Variants in CELF2 observed in about 807,000 individuals in gnomAD.
CELF2 encodes the protein CUG triplet repeat RNA-binding protein 2.
Under a neutral mutation model 62.6 loss-of-function variants are expected in CELF2, and 8 were observed. The observed-to-expected ratio is 0.13, with a 90% CI of 0.07 to 0.23. CELF2 has a LOEUF of 0.23. Ranked by LOEUF, CELF2 falls within the 10% of genes least tolerant of loss-of-function variation. The pLI, the probability that CELF2 is intolerant of heterozygous loss-of-function variation, is 1.00. For missense variants in CELF2, 333 were observed against 671.0 expected (o/e 0.50, Z 5.56); for synonymous variants, 258 against 250.0 (o/e 1.03, Z -0.30).
chr10:11,277,144 G>A (rs914219835), intron 8 of CELF2, among the ~76,000 whole-genome samples: 3 of 152,196 alleles, frequency 2.0e-5, no homozygotes, highest in Middle Eastern at 3.2e-3. Flanking sequence ...TATAGGGATC[G>A]TCAGGTCTCC....
At chr10:10,949,017 C>T (rs145245076) in intron 2 of CELF2, among the ~76,000 whole-genome samples, 163 of 152,182 alleles carry the variant, frequency 1.1e-3, no homozygotes, top group African/African-American at 3.1e-3. Flanking sequence ...CAAATGAACA[C>T]GCACACACAA....
chr10:11,203,690 G>T (rs1483822307), intron 2 of CELF2, among the ~76,000 whole-genome samples: 2 of 152,148 alleles, frequency 1.3e-5, no homozygotes, highest in African/African-American at 4.8e-5. Context: ...AAAGTTGATC[G>T]CTGTCAAATC....
the CELF2 span, among the ~76,000 whole-genome samples, chr10:10,596,647 C>T: frequency 5.3e-5 from 8 of 152,236 alleles, no homozygotes; most frequent in Non-Finnish European, 7.3e-5. Flanking sequence ...AACTGGAAGT[C>T]TTCTGGGGTG....
At chr10:10,626,576 C>T in the CELF2 span, among the ~76,000 whole-genome samples, 1 of 151,744 alleles carries the variant, frequency 6.6e-6, no homozygotes, top group Non-Finnish European at 1.5e-5. Context: ...AGTCTTTTTG[C>T]TATAGATTTT....
Position 10,854,518 on chromosome 10 carries a change from G to A in CELF2, c.53+55701G>A, listed in dbSNP as rs116457504. On this transcript the variant is annotated intron_variant, in intron 1 of 13. Coordinates refer to the CELF2 transcript ENST00000636488. ...CACCATGACCCAAGGAACCCACTCC[G>A]GGATCCAAAAATAATTATTGGCAAA... Among the ~76,000 whole-genome samples the A allele has an allele frequency of 5.8e-3, 875 of 152,162 alleles. 7 individuals carry two copies. Among genetic ancestry groups the A allele is most frequent in the African/African-American group, 0.02 (819 of 41,510 alleles).
the CELF2 span, among the ~76,000 whole-genome samples, chr10:10,659,938 G>T: frequency 6.6e-6 from 1 of 152,132 alleles, no homozygotes; most frequent in African/African-American, 2.4e-5. Flanking sequence ...GAGGCACAAG[G>T]GTCAGAGAGA....
the CELF2 span, among the ~76,000 whole-genome samples, chr10:10,643,537 T>A: frequency 6.6e-6 from 1 of 152,198 alleles, no homozygotes; most frequent in South Asian, 2.1e-4. Flanking sequence ...GTCTCAGGTA[T>A]GTCCTTATAG....
chr10:10,908,254 C>T (rs1279184422), intron 1 of CELF2, among the ~76,000 whole-genome samples: 1 of 92,166 alleles, frequency 1.1e-5, no homozygotes, highest in Non-Finnish European at 2.0e-5. Flanking sequence ...GAGTCTTGCT[C>T]TGTCGCCGAG....
intron 1 of CELF2, among the ~76,000 whole-genome samples, chr10:11,100,481 A>G (rs1243345746): frequency 1.3e-5 from 2 of 151,828 alleles, no homozygotes; most frequent in Admixed American, 6.6e-5. Context: ...TCAGGACCAC[A>G]TGTGAGTTCC....
At chr10:10,469,515 G>C in the CELF2 span, among the ~76,000 whole-genome samples, 1 of 151,862 alleles carries the variant, frequency 6.6e-6, no homozygotes, top group Non-Finnish European at 1.5e-5. Flanking sequence ...TAATGAAAGA[G>C]CATTGTCCTT....
At position 10,939,908 on chromosome 10, in the gene CELF2, C is replaced by T. The variant is rs143931540; in HGVS notation, c.89+19909C>T. Among the ~76,000 whole-genome samples the T allele has an allele frequency of 8.1e-3, 1,237 of 152,120 alleles. 7 individuals carry two copies. The highest frequency in any genetic ancestry group is 0.013 in the Non-Finnish European group (886 of 67,990). On this transcript the variant is annotated intron_variant, in intron 2 of 13. Coordinates refer to the CELF2 transcript ENST00000636488. Reference sequence around the variant, plus strand: ...GGCAGAGCTTGCAGTGAGCCGAGACCGCACCACTGCACTCTAGCCTGGGTG... The same window carrying T: ...GGCAGAGCTTGCAGTGAGCCGAGACTGCACCACTGCACTCTAGCCTGGGTG...
chr10:10,746,249 G>GA, the CELF2 span, among the ~76,000 whole-genome samples: 1 of 152,160 alleles, frequency 6.6e-6, no homozygotes, highest in Non-Finnish European at 1.5e-5. Context: ...AGTAAAATCT[G>GA]CAAAACACCG....
At chr10:10,944,861 C>T (rs904015960) in intron 2 of CELF2, among the ~76,000 whole-genome samples, 2 of 152,156 alleles carry the variant, frequency 1.3e-5, no homozygotes, top group African/African-American at 4.8e-5. Context: ...CCTCAGCCTC[C>T]CAAAGTGCTG....
chr10:10,870,815 C>G (rs539984954), intron 1 of CELF2, among the ~76,000 whole-genome samples: 1 of 152,318 alleles, frequency 6.6e-6, no homozygotes, highest in South Asian at 2.1e-4. Flanking sequence ...CGGTGACAGT[C>G]GCGCTGGCCT....
At chr10:11,092,997 G>A (rs373157638) in intron 1 of CELF2, among the ~76,000 whole-genome samples, 1 of 152,210 alleles carries the variant, frequency 6.6e-6, no homozygotes, top group Non-Finnish European at 1.5e-5. Context: ...ATGCTGTCCA[G>A]TGCAATTCCG....
the CELF2 span, among the ~76,000 whole-genome samples, chr10:10,716,387 A>C: frequency 6.6e-6 from 1 of 152,164 alleles, no homozygotes. Context: ...CTAAAACTAT[A>C]AAAATTAGCC....
chr10:11,000,177 T>A (rs1019285568), intron 2 of CELF2, among the ~76,000 whole-genome samples: 1 of 151,966 alleles, frequency 6.6e-6, no homozygotes, highest in Non-Finnish European at 1.5e-5. Context: ...TTGTTTGTTT[T>A]TTTAATCAAC....
At chr10:10,676,390 C>A in the CELF2 span, among the ~76,000 whole-genome samples, 2 of 152,128 alleles carry the variant, frequency 1.3e-5, no homozygotes, top group African/African-American at 2.4e-5. Flanking sequence ...CACATTAGAC[C>A]GTGGTTAACT....
At chr10:10,478,410 T>C in the CELF2 span, among the ~76,000 whole-genome samples, 76 of 152,334 alleles carry the variant, frequency 5.0e-4, no homozygotes, top group Admixed American at 1.0e-3. Flanking sequence ...AGAAAATTCC[T>C]GTTTCCAAAG....
Sources: allele counts gnomAD v4.1 joint callset (sites outside exome capture counted in the v4.1 genomes callset), GRCh38; gene constraint gnomAD v4.1.1; transcripts MANE v1.5; gene names NCBI Gene and HGNC (gene_info 2026-07-23, HGNC 2026-07-21).